NPIPB2: variants seen among roughly 807,000 people sequenced by gnomAD.
NPIPB2 encodes the protein nuclear pore complex-interacting protein family member B2.
NPIPB2 carries 27 observed loss-of-function variants against 30.8 expected under a neutral mutation model. The observed-to-expected ratio is 0.88, with a 90% CI of 0.65 to 1.21. The LOEUF is 1.21. NPIPB2 is among the 50% of genes most tolerant of loss of function. The pLI is 0.00. For missense variants in NPIPB2, 440 were observed against 446.2 expected (o/e 0.99, Z 0.13); for synonymous variants, 147 against 162.0 (o/e 0.91, Z 0.70).
intron 1 of NPIPB2, among the ~76,000 whole-genome samples, chr16:11,960,053 G>T (rs957268523): frequency 6.6e-6 from 1 of 152,198 alleles, no homozygotes; most frequent in Admixed American, 6.6e-5. Context: ...GGCATTACAG[G>T]TGTGAGCCAC....
At chr16:11,966,623 T>C (rs985523847) in intron 1 of NPIPB2, among the ~76,000 whole-genome samples, 4 of 152,176 alleles carry the variant, frequency 2.6e-5, no homozygotes, top group Admixed American at 2.0e-4. Flanking sequence ...TCAGTCTCTT[T>C]GACTAAAGTT....
chr16:11,933,776 T>G (rs1195361318), intron 3 of NPIPB2, 49 bp downstream of exon 3: 5 of 1,594,784 alleles, frequency 3.1e-6, no homozygotes, highest in Non-Finnish European at 4.2e-6. Context: ...TCTTTCCCTT[T>G]CCAGGGCAAA....
In NPIPB2 at chr16:11,937,560, G is replaced by C. The variant is rs575876572; in HGVS notation, c.172C>G (p.Leu58Val). 3.8e-4 allele frequency: 612 copies of C among 1,598,872 alleles called. 4 individuals are homozygous for C. In the South Asian group the frequency reaches 6.3e-3, roughly 16 times the overall value. The change falls in exon 2 of 8, where the codon CTC (leucine) becomes GTC (valine). Residue 58 changes from leucine to valine, a missense_variant. Physicochemically the swap from Leu to Val is conservative, Grantham distance 32. Transcript: ENST00000399147. Reference sequence around the variant, plus strand: ...CTCACCCAAAGGTAAACTGTCCAGAGGGTAAGGACAACTTTATAACTTCTC... The same window carrying C: ...CTCACCCAAAGGTAAACTGTCCAGACGGTAAGGACAACTTTATAACTTCTC...
At chr16:11,934,587 G>C (rs1453553957) in intron 2 of NPIPB2, among the ~76,000 whole-genome samples, 1 of 148,742 alleles carries the variant, frequency 6.7e-6, no homozygotes, top group Non-Finnish European at 1.5e-5. Context: ...TAGGCCAGGT[G>C]CGGTAGCTCA....
chr16:11,951,476 AAG>A (rs1246610495), intron 1 of NPIPB2, among the ~76,000 whole-genome samples: 1 of 147,492 alleles, frequency 6.8e-6, no homozygotes, highest in African/African-American at 2.5e-5. Context: ...AAAAAAAAAA[AAG>A]AAAGAAAAGA....
chr16:11,956,503 C>G (rs2055114068), intron 1 of NPIPB2, among the ~76,000 whole-genome samples: 1 of 152,072 alleles, frequency 6.6e-6, no homozygotes, highest in Non-Finnish European at 1.5e-5. Context: ...TGGTGAAACC[C>G]CATCTCTATT....
upstream of NPIPB2, among the ~76,000 whole-genome samples, chr16:11,945,173 C>T (rs1007454147): frequency 6.6e-6 from 1 of 151,528 alleles, no homozygotes; most frequent in Admixed American, 6.6e-5. Context: ...GCAATAAAAG[C>T]AAAACTCTGT....
At chr16:11,963,035 C>G (rs1403790536) in intron 1 of NPIPB2, among the ~76,000 whole-genome samples, 1 of 151,972 alleles carries the variant, frequency 6.6e-6, no homozygotes, top group Non-Finnish European at 1.5e-5. Context: ...CCCAGCCTGG[C>G]AACAGAGGGA....
At chr16:11,933,327 GACAA>G (rs889025712) in intron 4 of NPIPB2, among the ~76,000 whole-genome samples, 186 bp downstream of exon 4, 4 of 151,264 alleles carry the variant, frequency 2.6e-5, no homozygotes, top group African/African-American at 9.7e-5. Context: ...CTGAAAAAAT[GACAA>G]ACAAGAATGT....
rs150336745 is a variant in NPIPB2, at chr16:11,970,299, G to A, written c.-584+6269C>T. Among the ~76,000 whole-genome samples the A allele has an allele frequency of 7.2e-5, 11 of 152,228 alleles. No homozygotes were observed. The East Asian group carries it at 2.1e-3, about 30-fold the overall frequency. ...GCTATCTGAGCTCACTACAACCTCT[G>A]CTTCCTGGGTTCAAACAATTCCCCT... On this transcript the variant is annotated intron_variant, in intron 1 of 5. Transcript: ENST00000538896.
chr16:11,950,559 A>G (rs1275764898), intron 1 of NPIPB2, among the ~76,000 whole-genome samples: 2 of 152,156 alleles, frequency 1.3e-5, no homozygotes, highest in Non-Finnish European at 2.9e-5. Flanking sequence ...TAAGGACGAG[A>G]GAGAGTTTAT....
intron 1 of NPIPB2, among the ~76,000 whole-genome samples, chr16:11,968,281 A>G (rs1347333410): frequency 6.6e-6 from 1 of 152,174 alleles, no homozygotes; most frequent in East Asian, 1.9e-4. Context: ...ATTTGAGACC[A>G]GCCTGGCCAA....
At chr16:11,953,754 G>T in intron 1 of NPIPB2, among the ~76,000 whole-genome samples, 1 of 135,944 alleles carries the variant, frequency 7.4e-6, no homozygotes. Context: ...CTTTCTCTGT[G>T]GTCTGGGCTG....
At chr16:11,966,066 G>C in intron 1 of NPIPB2, 1 of 839,034 alleles carries the variant, frequency 1.2e-6, no homozygotes, top group South Asian at 2.7e-5. Context: ...AGCCGAGATC[G>C]CGCCACTGCA....
intron 1 of NPIPB2, among the ~76,000 whole-genome samples, chr16:11,955,772 C>G (rs1025829949): frequency 1.8e-4 from 26 of 148,498 alleles, no homozygotes; most frequent in African/African-American, 6.5e-4. Context: ...CCTCCCACCT[C>G]TTGCAGATAG....
At chr16:11,973,287 G>A (rs2150946542) in intron 1 of NPIPB2, among the ~76,000 whole-genome samples, 1 of 152,166 alleles carries the variant, frequency 6.6e-6, no homozygotes, top group Non-Finnish European at 1.5e-5. Context: ...GGTTGCCTTT[G>A]GAGTGCCCTT....
intron 1 of NPIPB2, among the ~76,000 whole-genome samples, chr16:11,950,181 T>C (rs2055049806): frequency 6.6e-6 from 1 of 152,074 alleles, no homozygotes; most frequent in Non-Finnish European, 1.5e-5. Flanking sequence ...TACAGACACC[T>C]GCCACCACCC....
At chr16:11,975,859 C>G (rs978642706) in intron 1 of NPIPB2, among the ~76,000 whole-genome samples, 1 of 151,440 alleles carries the variant, frequency 6.6e-6, no homozygotes, top group Non-Finnish European at 1.5e-5. Context: ...CCAATCATGC[C>G]TTGGGATTAC....
intron 1 of NPIPB2, among the ~76,000 whole-genome samples, chr16:11,950,089 G>C (rs1016020544): frequency 6.6e-6 from 1 of 152,094 alleles, no homozygotes; most frequent in Non-Finnish European, 1.5e-5. Context: ...AGGCTGCAGT[G>C]CAGTGGCATG....
Sources: gnomAD v4.1 joint callset for allele counts (sites outside exome capture counted in the v4.1 genomes callset) on GRCh38, gnomAD v4.1.1 for gene constraint, MANE v1.5 for transcripts, NCBI Gene and HGNC (gene_info 2026-07-23, HGNC 2026-07-21) for gene names.